The following PSG9 variants were observed in gnomAD, a reference collection of about 807,000 sequenced individuals.
The protein encoded by PSG9 is pregnancy-specific beta-1-glycoprotein 9.
Under a neutral mutation model 41.9 loss-of-function variants are expected in PSG9, and 49 were observed. That is an observed-to-expected ratio of 1.17 (90% CI 0.93 to 1.48). The LOEUF (loss-of-function observed/expected upper bound fraction) is 1.48, where lower values mean the gene tolerates loss of function less well. Ranked by LOEUF, PSG9 falls within the 40% of genes most tolerant of loss-of-function variation. PSG9 has a pLI of 0.00. For missense variants in PSG9, 641 were observed against 520.3 expected (o/e 1.23, Z -2.26); for synonymous variants, 263 against 196.8 (o/e 1.34, Z -2.82).
At chr19:43,258,005 G>C in intron 5 of PSG9, 197 bp downstream of exon 5, 1 of 1,514,966 alleles carries the variant, frequency 6.6e-7, no homozygotes, top group South Asian at 1.3e-5. Flanking sequence ...CAGACACAAG[G>C]TCAGCCATAA....
At chr19:43,266,842 G>C (rs937773936) in intron 2 of PSG9, among the ~76,000 whole-genome samples, 2 of 152,098 alleles carry the variant, frequency 1.3e-5, no homozygotes, top group African/African-American at 2.4e-5. Flanking sequence ...GTGTGACTCT[G>C]GTTCAGTGAC....
chr19:43,269,259 C>T, intron 1 of PSG9, 109 bp downstream of exon 1: 3 of 1,568,936 alleles, frequency 1.9e-6, no homozygotes, highest in Non-Finnish European at 2.6e-6. Context: ...CCACCTCAGC[C>T]TCCCTAAGAG....
chr19:43,268,087 G>C lies in PSG9; in HGVS notation c.127C>G (p.Pro43Ala). The part of the protein sequence containing the change: ...TAEVTIEAQP[P>A]KVSEGKDVLL... ...ACATCCTTCCCCTCAGAAACTTTGG[G>C]TGGCTGGGCTTCAATCGTGACTTCG... is the stretch of plus-strand genomic sequence containing the variant. The change falls in exon 2 of 6, where the codon CCC becomes GCC. Residue 43 changes from proline (P) to alanine (A), a missense_variant. Physicochemically the swap from Pro to Ala is conservative, Grantham distance 27. Coordinates refer to ENST00000270077, the MANE Select transcript of PSG9 (RefSeq NM_002784.5). 1.2e-6 allele frequency: 2 copies of C among 1,613,586 alleles called. No homozygotes were observed. Among genetic ancestry groups the C allele is most frequent in the Non-Finnish European group, 1.7e-6 (2 of 1,179,730 alleles).
At chr19:43,262,581 G>A (rs192234632) in intron 2 of PSG9, among the ~76,000 whole-genome samples, 56 of 152,296 alleles carry the variant, frequency 3.7e-4, no homozygotes, top group Admixed American at 1.4e-3. Flanking sequence ...AGAGATGGGT[G>A]ATGGAACTTC....
Position 43,269,352 on chromosome 19 carries a change from G to A in PSG9, c.64+16C>T, listed in dbSNP as rs749150042. ...GCTTCCTCCCCCTGTCCTCTCCCAG[G>A]AAGTTCTCTCCTCACCTGTGAGCAG... On this transcript the variant is annotated intron_variant, in intron 1 of 5. Transcript: ENST00000270077. 2 of 1,613,352 alleles carry A rather than the reference G, an allele frequency of 1.2e-6. No homozygotes were observed. The highest frequency in any genetic ancestry group is 1.3e-5 in the African/African-American group (1 of 74,978).
At chr19:43,261,710 G>T in intron 3 of PSG9, 150 bp downstream of exon 3, 3 of 1,580,654 alleles carry the variant, frequency 1.9e-6, no homozygotes, top group South Asian at 2.2e-5. Flanking sequence ...GGCCTACTCT[G>T]GTTTGCTTGG....
rs141895164 is a variant in PSG9 at position 43,268,037 on chromosome 19, G to C, written c.177C>G (p.Pro59=). 6.2e-7 allele frequency: 1 copy of C among 1,613,794 alleles called. No individual in the cohort carries two copies. The highest frequency in any genetic ancestry group is 1.7e-4 in the Middle Eastern group (1 of 6,060). Residue 59 remains proline (P), a synonymous_variant, in exon 2 of 6, where the codon CCC becomes CCG. Coordinates refer to ENST00000270077, the MANE Select transcript of PSG9 (RefSeq NM_002784.5). ...KDVLLLVHNL[P]QNLPGYFWYK... The stretch of plus-strand genomic sequence containing the variant: ...ACCAGAAGTAGCCAGGAAGATTCTG[G>C]GGCAAATTGTGGACAAGTAGAAGAA...
At position 43,256,516 on chromosome 19, in the gene PSG9, A is replaced by G. The variant is rs577617985; in HGVS notation, c.1243+1686T>C. 3.4e-5 allele frequency among the ~76,000 whole-genome samples: 5 copies of G among 147,064 alleles called. No homozygotes were observed. The South Asian group carries it at 1.1e-3, about 32-fold the overall frequency. On this transcript the variant is annotated intron_variant, in intron 5 of 5. Transcript: ENST00000270077. ...AACAAACATCCAAAAACCCAATTAA[A>G]AAATGAACAAAGGATTAAAATAGAG... is the stretch of plus-strand genomic sequence containing the variant.
chr19:43,260,798 G>T (rs1399673323), intron 3 of PSG9: 1 of 152,064 alleles, frequency 6.6e-6, no homozygotes. Flanking sequence ...GGGTAGTATT[G>T]TCTTTCTAAC....
intron 2 of PSG9, among the ~76,000 whole-genome samples, chr19:43,265,749 C>T (rs1463499779): frequency 6.6e-6 from 1 of 152,160 alleles, no homozygotes; most frequent in Middle Eastern, 3.4e-3. Context: ...ACTTGTCTGG[C>T]AATTATGAGT....
chr19:43,269,064 G>A (rs111755287), intron 1 of PSG9, among the ~76,000 whole-genome samples: 29,153 of 151,768 alleles, frequency 0.19, 3,325 homozygotes, highest in Non-Finnish European at 0.26. Context: ...GCGTGCAGTG[G>A]CGGTATCTCG....
intron 2 of PSG9, among the ~76,000 whole-genome samples, chr19:43,267,503 G>C (rs1213380223): frequency 3.3e-5 from 5 of 152,138 alleles, no homozygotes; most frequent in Admixed American, 1.3e-4. Context: ...TATGAAGAGG[G>C]CATGATGTGC....
At chr19:43,269,269 G>C (rs553633237) in intron 1 of PSG9, 99 bp downstream of exon 1, 1 of 1,587,210 alleles carries the variant, frequency 6.3e-7, no homozygotes, top group Non-Finnish European at 8.6e-7. Context: ...CTCCCTAAGA[G>C]CTGGCTTCTT....
Position 43,261,850 on chromosome 19 carries a change from A to G in PSG9, c.709+10T>C, listed in dbSNP as rs190735378. On this transcript the variant is annotated intron_variant, in intron 3 of 5. Transcript: ENST00000270077. ...GCAGCCTGGCTCACAGAGGAACAGA[A>G]GATACTCACGGAGGAGATTCAGGGT... 0.011 allele frequency: 17,138 copies of G among 1,613,806 alleles called. 222 individuals are homozygous for G. The highest frequency in any genetic ancestry group is 0.015 in the South Asian group (1,380 of 91,070).
chr19:43,261,211 G>C (rs536904149), intron 3 of PSG9, among the ~76,000 whole-genome samples: 21 of 152,228 alleles, frequency 1.4e-4, no homozygotes, highest in East Asian at 3.9e-4. Flanking sequence ...ACTTACCAGG[G>C]ACTATGATCC....
At chr19:43,267,576 G>T (rs555415842) in intron 2 of PSG9, among the ~76,000 whole-genome samples, 6 of 152,254 alleles carry the variant, frequency 3.9e-5, no homozygotes, top group Admixed American at 3.3e-4. Flanking sequence ...TCTGCAGCGA[G>T]TGTCTGCAGG....
At position 43,254,312 on chromosome 19, in the gene PSG9, G is replaced by A. The variant is rs1029644347; in HGVS notation, c.1244-666C>T. ...TATGGCTAGTGACAGGTGGATCTGA[G>A]ATTTGATTCTAGGACTATTTGACCT... On this transcript the variant is annotated intron_variant, in intron 5 of 5. Coordinates refer to ENST00000270077, the MANE Select transcript of PSG9 (RefSeq NM_002784.5). Among the ~76,000 whole-genome samples the A allele has an allele frequency of 8.9e-5, 13 of 146,406 alleles. 1 individual carries two copies. Among genetic ancestry groups the A allele is most frequent in the South Asian group, 2.2e-4 (1 of 4,648 alleles).
At chr19:43,260,437 T>A (rs1303014811) in intron 3 of PSG9, 1 of 148,310 alleles carries the variant, frequency 6.7e-6, no homozygotes, top group Non-Finnish European at 1.5e-5. Flanking sequence ...AGCATTTCTT[T>A]TCAGCATCAG....
rs145412286 is a variant in PSG9, at chr19:43,258,883, C to G, written c.962G>C (p.Ser321Thr). The change falls in exon 4 of 6, where the codon AGT (serine) becomes ACT (threonine). Residue 321 changes from serine (S) to threonine (T), a missense_variant. Ser to Thr is a moderately conservative substitution (Grantham distance 58). Transcript: ENST00000270077. ...GAGGACATTTAGGATGACTGGGTTACTGCGGAGGCCACCATATCGGTCCCG... is the reference window on the plus strand; with the variant it reads ...GAGGACATTTAGGATGACTGGGTTAGTGCGGAGGCCACCATATCGGTCCCG... The part of the protein sequence containing the change: ...EIRDRYGGLR[S>T]NPVILNVLYG... The G allele has an allele frequency of 2.4e-4, 381 of 1,585,048 alleles. 107 individuals are homozygous for G. In the East Asian group the frequency reaches 9.4e-3, roughly 39 times the overall value.
Sources: allele counts gnomAD v4.1 joint callset (sites outside exome capture counted in the v4.1 genomes callset), GRCh38; gene constraint gnomAD v4.1.1; transcripts MANE v1.5; gene names NCBI Gene and HGNC (gene_info 2026-07-23, HGNC 2026-07-21).